Variants in SHISAL1 observed in about 807,000 individuals in gnomAD.
The protein encoded by SHISAL1 is protein shisa-like-1.
Under a neutral mutation model 22.6 loss-of-function variants are expected in SHISAL1, and 9 were observed. The ratio of observed to expected loss-of-function variants is 0.40; its 90% CI spans 0.24 to 0.70. The LOEUF is 0.70. Among genes scored for constraint, SHISAL1 ranks in the 30% least tolerant of loss-of-function variants. The pLI is 0.39. For missense variants in SHISAL1, 246 were observed against 270.6 expected (o/e 0.91, Z 0.64); for synonymous variants, 119 against 115.4 (o/e 1.03, Z -0.20).
At chr22:44,289,466 ATGTGTG>A (rs35632126) in intron 3 of SHISAL1, among the ~76,000 whole-genome samples, 5 of 120,978 alleles carry the variant, frequency 4.1e-5, no homozygotes, top group African/African-American at 1.4e-4. Flanking sequence ...GTCATTGTAA[ATGTGTG>A]TGTGTGTGTG....
chr22:44,325,883 A>ACGCT, the SHISAL1 span, among the ~76,000 whole-genome samples: 37 of 151,468 alleles, frequency 2.4e-4, no homozygotes, highest in Admixed American at 1.1e-3. Context: ...TCTACTTGGC[A>ACGCT]CGCTCCTACA....
At chr22:44,323,069 CCCACCCAT>C in the SHISAL1 span, among the ~76,000 whole-genome samples, 4 of 143,060 alleles carry the variant, frequency 2.8e-5, no homozygotes, top group Non-Finnish European at 6.1e-5. Context: ...ACCCACCTCA[CCCACCCAT>C]CCACCCATCC....
intron 4 of SHISAL1, among the ~76,000 whole-genome samples, chr22:44,251,980 A>G (rs766244865): frequency 1.3e-5 from 2 of 152,374 alleles, no homozygotes. Context: ...GAGCAGAAGC[A>G]TAACAAATGC....
upstream of SHISAL1, among the ~76,000 whole-genome samples, chr22:44,313,381 C>A (rs2055534304): frequency 6.6e-6 from 1 of 152,178 alleles, no homozygotes; most frequent in Non-Finnish European, 1.5e-5. Flanking sequence ...GTCCCCACAC[C>A]AGCCCGGGGA....
At chr22:44,253,689 A>C (rs1237419762) in intron 4 of SHISAL1, among the ~76,000 whole-genome samples, 2 of 149,914 alleles carry the variant, frequency 1.3e-5, no homozygotes, top group African/African-American at 2.5e-5. Flanking sequence ...TGATCTGCCC[A>C]CCTCGGCCTC....
At chr22:44,320,067 T>C in the SHISAL1 span, among the ~76,000 whole-genome samples, 1 of 152,198 alleles carries the variant, frequency 6.6e-6, no homozygotes, top group South Asian at 2.1e-4. Context: ...CTTCCTTCCA[T>C]CATTCAGGCA....
At chr22:44,328,180 G>T in the SHISAL1 span, among the ~76,000 whole-genome samples, 1 of 152,178 alleles carries the variant, frequency 6.6e-6, no homozygotes, top group Non-Finnish European at 1.5e-5. Flanking sequence ...AAGTGAGACT[G>T]CGGGGCCCCT....
At chr22:44,309,229 C>T (rs1035331008) in intron 1 of SHISAL1, among the ~76,000 whole-genome samples, 5 of 152,204 alleles carry the variant, frequency 3.3e-5, no homozygotes, top group African/African-American at 9.7e-5. Flanking sequence ...GGGGGATTCC[C>T]GCTGCCATAA....
chr22:44,244,942 G>A lies in SHISAL1; in HGVS notation c.*4743C>T, dbSNP rs1292066198. On this transcript the variant is annotated 3_prime_UTR_variant, in exon 5 of 5. Coordinates refer to ENST00000381176, the MANE Select transcript of SHISAL1 (RefSeq NM_001099294.2). ...CAGCGTGGGACGTGTTGGTGCTACA[G>A]CAAGGAACTAGGGCACTGTGCATGG... 3 of 152,284 alleles carry A rather than the reference G, an allele frequency of 2.0e-5. No homozygotes were observed. The highest frequency in any genetic ancestry group is 1.3e-4 in the Admixed American group (2 of 15,286). 9.4% of individuals were successfully genotyped at this position (152,284 alleles called of 1,614,324 possible).
At chr22:44,279,450 G>A (rs1004141381) in intron 4 of SHISAL1, among the ~76,000 whole-genome samples, 1 of 152,172 alleles carries the variant, frequency 6.6e-6, no homozygotes, top group East Asian at 1.9e-4. Flanking sequence ...CTGTTGGCTG[G>A]CACCCTCCCT....
At chr22:44,252,527 C>T (rs1413385353) in intron 4 of SHISAL1, among the ~76,000 whole-genome samples, 1 of 150,064 alleles carries the variant, frequency 6.7e-6, no homozygotes, top group African/African-American at 2.5e-5. Context: ...ACAACCCCCA[C>T]AAAACTATAA....
intron 4 of SHISAL1, among the ~76,000 whole-genome samples, chr22:44,274,056 C>T (rs980542022): frequency 6.7e-6 from 1 of 148,634 alleles, no homozygotes; most frequent in African/African-American, 2.5e-5. Flanking sequence ...CCGGCCCCCC[C>T]CTCCCCCCCA....
At chr22:44,287,552 A>C (rs1247792274) in intron 3 of SHISAL1, among the ~76,000 whole-genome samples, 2 of 147,856 alleles carry the variant, frequency 1.4e-5, no homozygotes, top group African/African-American at 5.0e-5. Context: ...CCTTGCCCCC[A>C]CCTCCCAGCC....
At chr22:44,252,370 C>G (rs1441190606) in intron 4 of SHISAL1, among the ~76,000 whole-genome samples, 1 of 151,870 alleles carries the variant, frequency 6.6e-6, no homozygotes, top group Non-Finnish European at 1.5e-5. Context: ...TAAATGTTGT[C>G]TAGAGAAATA....
In SHISAL1 at chr22:44,285,664, C is replaced by T. The variant is rs908097904; in HGVS notation, c.363G>A (p.Ser121=). 12 of 1,614,050 alleles carry T rather than the reference C, an allele frequency of 7.4e-6. No individual in the cohort carries two copies. The highest frequency in any genetic ancestry group is 5.0e-5 in the Admixed American group (3 of 60,012). ...CCTTGCAGATGTCGTAGTTCATTGC[C>T]GAGTAATACAAAAGGTCCAGAACCA... ...MLLVLDLLYY[S]AMNYDICKVY... is the part of the protein sequence containing the mutation. Residue 121 remains serine (S), a synonymous_variant, in exon 4 of 5, where the codon TCG becomes TCA. Transcript: ENST00000381176.
chr22:44,320,986 T>C, the SHISAL1 span, among the ~76,000 whole-genome samples: 1 of 152,200 alleles, frequency 6.6e-6, no homozygotes, highest in Non-Finnish European at 1.5e-5. Flanking sequence ...ATCGTCCCCA[T>C]TATTCACAGC....
chr22:44,320,494 G>C, the SHISAL1 span, among the ~76,000 whole-genome samples: 1 of 152,212 alleles, frequency 6.6e-6, no homozygotes, highest in Admixed American at 6.5e-5. Context: ...CTCTGCCCAA[G>C]TGAGCTGAGA....
the SHISAL1 span, among the ~76,000 whole-genome samples, chr22:44,329,545 C>T: frequency 5.3e-5 from 8 of 152,312 alleles, no homozygotes; most frequent in East Asian, 1.9e-4. Flanking sequence ...GTGCCAGGAA[C>T]GCAGCGTGAA....
intron 4 of SHISAL1, among the ~76,000 whole-genome samples, chr22:44,265,702 T>C (rs189883686): frequency 3.3e-5 from 5 of 152,334 alleles, no homozygotes; most frequent in Non-Finnish European, 1.5e-5. Flanking sequence ...AGCTAGAGAT[T>C]CTGGGAGAGG....
Sources: gnomAD v4.1 joint callset for allele counts (sites outside exome capture counted in the v4.1 genomes callset) on GRCh38, gnomAD v4.1.1 for gene constraint, MANE v1.5 for transcripts, NCBI Gene and HGNC (gene_info 2026-07-23, HGNC 2026-07-21) for gene names.